PRDM15: variants seen among roughly 807,000 people sequenced by gnomAD.
The protein encoded by PRDM15 is PR/SET domain 15.
In PRDM15, 64 loss-of-function variants were observed where a neutral mutation model predicts 128.6. The ratio of observed to expected loss-of-function variants is 0.50; its 90% CI spans 0.41 to 0.61. PRDM15 has a LOEUF of 0.61. PRDM15 is among the 20% of genes least tolerant of loss of function. PRDM15 has a pLI of 0.00. For synonymous variants in PRDM15, 615 were observed against 621.8 expected (o/e 0.99, Z 0.16); for missense variants, 1,242 against 1,569.1 (o/e 0.79, Z 3.52).
At chr21:41,861,874 G>T in intron 1 of PRDM15, 1 of 1,586,068 alleles carries the variant, frequency 6.3e-7, no homozygotes, top group Non-Finnish European at 8.6e-7. Context: ...GGGGAGGGGG[G>T]TGAAATTTTC....
In PRDM15 at chr21:41,837,850, G is replaced by C. The variant is rs552418063; in HGVS notation, c.1001+84C>G. On this transcript the variant is annotated intron_variant, in intron 8 of 23. Coordinates refer to ENST00000398548, the MANE Select transcript of PRDM15 (RefSeq NM_001040424.3). ...TCCTTCCCTGGGGCTTTCCTGCTGG[G>C]AAGGTGCCTTCCCTCCAGAATGGCC... 4.0e-5 allele frequency: 59 copies of C among 1,489,138 alleles called. No individual in the cohort carries two copies. In the South Asian group the frequency reaches 4.1e-4, roughly 10 times the overall value. 92.2% of individuals were successfully genotyped at this position (1,489,138 alleles called of 1,614,324 possible).
Position 41,810,653 on chromosome 21 carries a change from C to G in PRDM15, c.2476+100G>C. Reference sequence around the variant, plus strand: ...ACAACACTAAATGTGCTGGAACCGTCTAGATAATAGAATAGTCGTTTCCAC... The same window carrying G: ...ACAACACTAAATGTGCTGGAACCGTGTAGATAATAGAATAGTCGTTTCCAC... On this transcript the variant is annotated intron_variant, in intron 20 of 23. Transcript: ENST00000398548. This position sits in a 1 kb window ranked among gnomAD's most constrained non-coding sequence, Gnocchi z 6.4. The G allele has an allele frequency of 2.1e-6, 2 of 972,856 alleles. No individual in the cohort carries two copies. 60.3% of individuals were successfully genotyped at this position (972,856 alleles called of 1,614,324 possible).
In PRDM15 at chr21:41,833,976, G is replaced by A. The variant is rs1406708655; in HGVS notation, c.1366+1461C>T. On this transcript the variant is annotated intron_variant, in intron 11 of 23. Transcript: ENST00000398548. ...ACCCCAAGGGGAGGTTCGCAAACAA[G>A]ATGAAGGTTCATCTGTCTGGCCGGG... 2.0e-5 allele frequency among the ~76,000 whole-genome samples: 3 copies of A among 152,306 alleles called. No individual in the cohort carries two copies. The South Asian group carries it at 6.2e-4, about 32-fold the overall frequency.
At chr21:41,827,240 G>C (rs747860962) in intron 12 of PRDM15, among the ~76,000 whole-genome samples, 1 of 152,096 alleles carries the variant, frequency 6.6e-6, no homozygotes, top group Non-Finnish European at 1.5e-5. Context: ...GAAAAGAGTT[G>C]AGCAAAAAAG....
chr21:41,824,945 C>T (rs2062416111), intron 13 of PRDM15, among the ~76,000 whole-genome samples: 1 of 152,258 alleles, frequency 6.6e-6, no homozygotes, highest in Admixed American at 6.5e-5. Flanking sequence ...CTGCGGGGGC[C>T]TGTGCTCCCA....
At position 41,810,443 on chromosome 21, in the gene PRDM15, C is replaced by A; in HGVS notation, c.2477-114G>T. ...TGGACGAGGCAAGAAGCCTGTCACGCCCCGCCCATCCTGAGAGGGCCGGTG... is the reference window on the plus strand; with the variant it reads ...TGGACGAGGCAAGAAGCCTGTCACGACCCGCCCATCCTGAGAGGGCCGGTG... On this transcript the variant is annotated intron_variant, in intron 20 of 23. Coordinates refer to ENST00000398548, the MANE Select transcript of PRDM15 (RefSeq NM_001040424.3). The surrounding 1 kb of genome is among the most constrained non-coding windows in gnomAD (Gnocchi z 6.4). 1.6e-6 allele frequency: 2 copies of A among 1,229,158 alleles called. No homozygotes were observed. The highest frequency in any genetic ancestry group is 2.3e-6 in the Non-Finnish European group (2 of 884,480). The allele number at this position is 1,229,158 out of a possible 1,614,324, so 76.1% of individuals were successfully genotyped here.
rs1488491622 is a variant in PRDM15, at chr21:41,801,729, G to T, written c.2944-7C>A. ...CACCCAGGGTCACCACTACCTGGAA[G>T]ATTCACACACAACAAAAATCCGTTC... is the stretch of plus-strand genomic sequence containing the variant. On this transcript the variant is annotated splice_polypyrimidine_tract_variant and splice_region_variant and intron_variant, in intron 23 of 23. Transcript: ENST00000398548. 9.3e-6 allele frequency: 15 copies of T among 1,606,152 alleles called. No homozygotes were observed. Among genetic ancestry groups the T allele is most frequent in the Non-Finnish European group, 1.1e-5 (13 of 1,173,852 alleles).
rs1482190862 is a variant in PRDM15, at chr21:41,832,340, A to G, written c.1366+3097T>C. Among the ~76,000 whole-genome samples, 10 of 151,302 alleles carry G rather than the reference A, an allele frequency of 6.6e-5. No individual in the cohort carries two copies. The highest frequency in any genetic ancestry group is 2.6e-4 in the Admixed American group (4 of 15,214). On this transcript the variant is annotated intron_variant, in intron 11 of 23. Coordinates refer to ENST00000398548, the MANE Select transcript of PRDM15 (RefSeq NM_001040424.3). This position sits in a 1 kb window ranked among gnomAD's most constrained non-coding sequence, Gnocchi z 4.2. ...ATTGCCACAGGCCACACCTTACAGC[A>G]CTGTGGCATCGGATCACCACAGGCC...
intron 1 of PRDM15, among the ~76,000 whole-genome samples, chr21:41,868,612 T>G (rs984112453): frequency 5.3e-5 from 8 of 152,142 alleles, no homozygotes; most frequent in Non-Finnish European, 7.4e-5. Flanking sequence ...TTCACGTGCT[T>G]GTAGGCCACA....
intron 13 of PRDM15, among the ~76,000 whole-genome samples, chr21:41,825,592 T>TGGGTCC (rs146384533): frequency 0.13 from 20,456 of 152,160 alleles, 1,510 homozygotes; most frequent in African/African-American, 0.17. Flanking sequence ...ATAAAGCCAC[T>TGGGTCC]GGGTCCCCCT....
In PRDM15 at chr21:41,815,823, C is replaced by A; in HGVS notation, c.2274G>T (p.Lys758Asn). The change falls in exon 19 of 24, where the codon AAG (lysine) becomes AAT (asparagine). Residue 758 changes from lysine (K) to asparagine (N), a missense_variant. Around this residue, in one of 3 missense-constraint regions of PRDM15, gnomAD observed 602 missense variants for 788.3 expected, o/e 0.76. Coordinates refer to ENST00000398548, the MANE Select transcript of PRDM15 (RefSeq NM_001040424.3). ...GCTTCATGTGGTGGCGCAGCGCGTG[C>A]TTGGTCTTCATGCCTTCAAGGACAC... ...CAECGKGMKT[K>N]HALRHHMKLH... 1 of 1,613,636 alleles carries A rather than the reference C, an allele frequency of 6.2e-7. No individual in the cohort carries two copies. The highest frequency in any genetic ancestry group is 8.5e-7 in the Non-Finnish European group (1 of 1,179,920).
chr21:41,861,807 G>C, intron 1 of PRDM15: 5 of 1,593,564 alleles, frequency 3.1e-6, no homozygotes, highest in Non-Finnish European at 4.3e-6. Flanking sequence ...TAGCTACAAG[G>C]AAGTGAGGCA....
chr21:41,836,327 G>T, intron 9 of PRDM15, 120 bp from the exon 10 acceptor site: 1 of 1,300,924 alleles, frequency 7.7e-7, no homozygotes, highest in Non-Finnish European at 1.1e-6. Context: ...GAGCTGCAGA[G>T]ATGATCGCCC....
intron 13 of PRDM15, 74 bp downstream of exon 13, chr21:41,825,886 C>A: frequency 8.7e-7 from 1 of 1,147,120 alleles, no homozygotes. Flanking sequence ...TCTATAAGTA[C>A]AGCTCATAGA....
Position 41,859,488 on chromosome 21 carries a change from G to A in PRDM15, c.131+104C>T, listed in dbSNP as rs2063744502. 4 of 923,228 alleles carry A rather than the reference G, an allele frequency of 4.3e-6. No homozygotes were observed. The highest frequency in any genetic ancestry group is 6.6e-6 in the Non-Finnish European group (4 of 602,760). The allele number at this position is 923,228 out of a possible 1,614,324, so 57.2% of individuals were successfully genotyped here. A position where few individuals can be genotyped will look rare whatever the true frequency, so the allele number is the denominator to read the frequency against. ...GCTGGCTCTCACTCAGAGTGCCTCT[G>A]TTCTCCCTCAGGCTCCTTCCTCCCC... is the stretch of plus-strand genomic sequence containing the variant. On this transcript the variant is annotated intron_variant, in intron 3 of 23. Transcript: ENST00000398548. This position sits in a 1 kb window ranked among gnomAD's most constrained non-coding sequence, Gnocchi z 5.3.
chr21:41,802,829 CTCT>C lies in PRDM15; in HGVS notation c.2823_2825del (p.Glu943del). ...CCTCGGGCACCGGAGCACCCGCCTC[CTCT>C]TCTGGCTTCTGCTTTCTCTTGTGAC... On this transcript the variant is annotated inframe_deletion, in exon 23 of 24. Coordinates refer to ENST00000398548, the MANE Select transcript of PRDM15 (RefSeq NM_001040424.3). 6.2e-7 allele frequency: 1 copy of C among 1,614,226 alleles called. No homozygotes were observed. Among genetic ancestry groups the C allele is most frequent in the East Asian group, 2.2e-5 (1 of 44,884 alleles).
chr21:41,872,563 C>T (rs761836112), intron 1 of PRDM15, among the ~76,000 whole-genome samples: 1 of 151,918 alleles, frequency 6.6e-6, no homozygotes, highest in Non-Finnish European at 1.5e-5. Flanking sequence ...ATCAGTTGTA[C>T]CTATTTATGG....
chr21:41,836,897 C>A, intron 8 of PRDM15: 1 of 311,764 alleles, frequency 3.2e-6, no homozygotes, highest in African/African-American at 2.1e-5. Flanking sequence ...CTAACTCTGG[C>A]CACCAGAAAG....
intron 6 of PRDM15, among the ~76,000 whole-genome samples, chr21:41,845,476 C>T (rs552875469): frequency 2.0e-5 from 3 of 151,794 alleles, no homozygotes; most frequent in East Asian, 2.0e-4. Flanking sequence ...AAGGCAGAGC[C>T]GTCACCTGGA....
Sources: allele counts gnomAD v4.1 joint callset (sites outside exome capture counted in the v4.1 genomes callset), GRCh38; gene constraint gnomAD v4.1.1; regional missense constraint gnomAD v4.1.1; non-coding constraint Gnocchi (gnomAD v3.1); transcripts MANE v1.5; gene names NCBI Gene and HGNC (gene_info 2026-07-23, HGNC 2026-07-21).